TMOD3: variants seen among roughly 807,000 people sequenced by gnomAD.
The protein encoded by TMOD3 is tropomodulin-3.
TMOD3 carries 20 observed loss-of-function variants against 39.2 expected under a neutral mutation model. The observed-to-expected ratio is 0.51, with a 90% confidence interval of 0.36 to 0.74. TMOD3 has a LOEUF of 0.74. TMOD3 is among the 30% of genes least tolerant of loss of function. The pLI is 0.00. For missense variants in TMOD3, 381 were observed against 412.8 expected (o/e 0.92, Z 0.67); for synonymous variants, 143 against 145.8 (o/e 0.98, Z 0.14).
At chr15:51,904,856 G>GCACA (rs2056670224) in intron 9 of TMOD3, among the ~76,000 whole-genome samples, 1 of 152,194 alleles carries the variant, frequency 6.6e-6, no homozygotes, top group Admixed American at 6.5e-5. Context: ...GCACAGTGGT[G>GCACA]TGTGATAGAG....
chr15:51,848,028 C>T (rs1163157106), intron 1 of TMOD3, among the ~76,000 whole-genome samples: 1 of 152,088 alleles, frequency 6.6e-6, no homozygotes, highest in Admixed American at 6.5e-5. Context: ...AGCTGCCTTG[C>T]ATTTCTATCA....
chr15:51,864,941 A>G (rs1360894213), intron 2 of TMOD3, among the ~76,000 whole-genome samples: 1 of 152,192 alleles, frequency 6.6e-6, no homozygotes, highest in Non-Finnish European at 1.5e-5. Context: ...CTCCAGGATT[A>G]GCAAGGCCCC....
At chr15:51,837,433 T>G (rs1277360800) in intron 1 of TMOD3, among the ~76,000 whole-genome samples, 2 of 151,976 alleles carry the variant, frequency 1.3e-5, no homozygotes, top group Non-Finnish European at 2.9e-5. Context: ...TCTTTTTTTT[T>G]TTTTTCCTCT....
intron 3 of TMOD3, among the ~76,000 whole-genome samples, chr15:51,875,630 T>TG (rs2056498263): frequency 6.7e-6 from 1 of 150,056 alleles, no homozygotes; most frequent in Non-Finnish European, 1.5e-5. Context: ...TTTTTTTTTT[T>TG]CCTGAGACAG....
At chr15:51,884,631 C>T (rs1834212377) in intron 3 of TMOD3, 1 of 152,208 alleles carries the variant, frequency 6.6e-6, no homozygotes, top group Middle Eastern at 3.4e-3. Flanking sequence ...TCTACTCCCA[C>T]TGCTTCACTT....
intron 3 of TMOD3, among the ~76,000 whole-genome samples, chr15:51,878,897 T>C (rs972568157): frequency 2.6e-5 from 4 of 152,226 alleles, no homozygotes; most frequent in African/African-American, 7.2e-5. Context: ...TCTGTAGGAA[T>C]GAAGTAACCA....
In TMOD3 at chr15:51,855,627, C is replaced by T. The variant is rs535884942; in HGVS notation, c.-74-7184C>T. On this transcript the variant is annotated intron_variant, in intron 1 of 9. Transcript: ENST00000308580. ...TTGTTTTTTACTTTTATATGAAATA[C>T]ATTTTACATTAGCTTAGAGATTAAA... Among the ~76,000 whole-genome samples the T allele has an allele frequency of 6.6e-5, 10 of 152,344 alleles. No individual in the cohort carries two copies. The South Asian group carries it at 2.1e-3, about 32-fold the overall frequency.
chr15:51,876,899 A>G (rs1418207985), intron 3 of TMOD3, among the ~76,000 whole-genome samples: 2 of 152,102 alleles, frequency 1.3e-5, no homozygotes, highest in East Asian at 1.9e-4. Flanking sequence ...TGCCTCTACT[A>G]AAAATGAAAA....
intron 9 of TMOD3, among the ~76,000 whole-genome samples, chr15:51,904,373 C>A (rs773917513): frequency 5.3e-5 from 8 of 152,178 alleles, no homozygotes; most frequent in African/African-American, 7.2e-5. Context: ...TCTTTTAAAA[C>A]CATGCCTGAC....
chr15:51,888,601 A>G (rs2056577259), intron 4 of TMOD3, among the ~76,000 whole-genome samples: 1 of 152,232 alleles, frequency 6.6e-6, no homozygotes, highest in South Asian at 2.1e-4. Context: ...CTAATACTTT[A>G]GTATTCTACT....
chr15:51,885,859 G>GGGT (rs1440671871), intron 3 of TMOD3, among the ~76,000 whole-genome samples: 2 of 150,808 alleles, frequency 1.3e-5, no homozygotes, highest in African/African-American at 2.5e-5. Flanking sequence ...TTCCCAGACG[G>GGGT]GGCGGCCGGG....
intron 3 of TMOD3, among the ~76,000 whole-genome samples, chr15:51,880,720 G>T (rs1238592301): frequency 6.6e-6 from 1 of 152,126 alleles, no homozygotes; most frequent in Non-Finnish European, 1.5e-5. Context: ...TTGTTTATCT[G>T]TTTCTCAGTT....
intron 5 of TMOD3, among the ~76,000 whole-genome samples, chr15:51,890,547 C>G (rs937913304): frequency 1.4e-4 from 21 of 151,952 alleles, no homozygotes; most frequent in African/African-American, 5.1e-4. Context: ...CTCTTATTAG[C>G]CCTGACAACA....
chr15:51,838,323 T>A (rs1025657024), intron 1 of TMOD3, among the ~76,000 whole-genome samples: 5 of 152,180 alleles, frequency 3.3e-5, no homozygotes, highest in Non-Finnish European at 7.4e-5. Context: ...TATATTTTCT[T>A]GAAAAAAACA....
intron 1 of TMOD3, among the ~76,000 whole-genome samples, chr15:51,841,976 A>G (rs904815238): frequency 3.3e-5 from 5 of 151,942 alleles, no homozygotes; most frequent in African/African-American, 1.2e-4. Flanking sequence ...GGGTTTCACC[A>G]TGTTGGCCAG....
At chr15:51,857,448 A>G (rs2056393895) in intron 1 of TMOD3, among the ~76,000 whole-genome samples, 1 of 152,178 alleles carries the variant, frequency 6.6e-6, no homozygotes, top group African/African-American at 2.4e-5. Context: ...GGAGTAAGCT[A>G]TTTAGTCTCT....
intron 3 of TMOD3, chr15:51,884,433 C>T (rs1020402910): frequency 2.0e-5 from 3 of 152,198 alleles, no homozygotes; most frequent in Non-Finnish European, 4.4e-5. Flanking sequence ...TTGGGACAGA[C>T]ACTATAGTTG....
intron 8 of TMOD3, among the ~76,000 whole-genome samples, chr15:51,900,499 C>G (rs1162269733): frequency 1.3e-5 from 2 of 152,184 alleles, no homozygotes; most frequent in African/African-American, 4.8e-5. Flanking sequence ...AAGGTGTATA[C>G]TCTCCCTAGA....
At chr15:51,885,467 T>C (rs1171066565) in intron 3 of TMOD3, among the ~76,000 whole-genome samples, 2 of 152,156 alleles carry the variant, frequency 1.3e-5, no homozygotes, top group African/African-American at 4.8e-5. Context: ...CCCTGGGTAC[T>C]TGAGATTCGG....
Sources: allele counts gnomAD v4.1 joint callset (sites outside exome capture counted in the v4.1 genomes callset), GRCh38; gene constraint gnomAD v4.1.1; transcripts MANE v1.5; gene names NCBI Gene and HGNC (gene_info 2026-07-23, HGNC 2026-07-21).